DNAH11: variants seen among roughly 807,000 people sequenced by gnomAD.
DNAH11 encodes the protein dynein axonemal heavy chain 11, also known as axonemal beta dynein heavy chain 11.
DNAH11 carries 442 observed loss-of-function variants against 526.0 expected under a neutral mutation model. The ratio of observed to expected loss-of-function variants is 0.84; its 90% confidence interval spans 0.78 to 0.91. The LOEUF (loss-of-function observed/expected upper bound fraction) is 0.91, where lower values mean the gene tolerates loss of function less well. DNAH11 is among the 40% of genes least tolerant of loss of function. The pLI, the probability that DNAH11 is intolerant of heterozygous loss-of-function variation, is 0.00. For synonymous variants in DNAH11, 2,461 were observed against 1,935.9 expected (o/e 1.27, Z -7.12); for missense variants, 6,989 against 5,448.7 (o/e 1.28, Z -8.90).
chr7:21,863,750 A>T (rs1291494511), intron 69 of DNAH11, among the ~76,000 whole-genome samples: 1 of 152,252 alleles, frequency 6.6e-6, no homozygotes, highest in Non-Finnish European at 1.5e-5. Context: ...TATAAATCAA[A>T]GTTTCATAAC....
chr7:21,792,253 G>C (rs1013341328), intron 61 of DNAH11, among the ~76,000 whole-genome samples: 8 of 152,128 alleles, frequency 5.3e-5, no homozygotes, highest in African/African-American at 1.7e-4. Context: ...TTGTATCCCT[G>C]GGTTGAATCC....
rs10555456 is a variant in DNAH11 at position 21,900,939 on chromosome 7, AACTT to A, written c.13304-63_13304-60del. The A allele has an allele frequency of 0.94, 1,413,231 of 1,502,682 alleles. 671,147 individuals carry two copies. The highest frequency in any genetic ancestry group is 0.98 in the Non-Finnish European group (1,101,368 of 1,126,748). The allele number at this position is 1,502,682 out of a possible 1,614,324, so 93.1% of individuals were successfully genotyped here. ...ATGTTGAATGTTTATTGCATCAAAC[AACTT>A]ACTTGATCATTATCATTAGTAGCAA... On this transcript the variant is annotated intron_variant, in intron 81 of 81. Coordinates refer to ENST00000409508, the MANE Select transcript of DNAH11 (RefSeq NM_001277115.2).
rs76467144 is a variant in DNAH11, at chr7:21,633,563, C to T, written c.4501-2308C>T. Reference sequence around the variant, plus strand: ...TGTGATTTTTTACTTTTTCCTAGTTCTAATACTCAACATATGTTTATTTAT... The same window carrying T: ...TGTGATTTTTTACTTTTTCCTAGTTTTAATACTCAACATATGTTTATTTAT... On this transcript the variant is annotated intron_variant, in intron 25 of 81. Transcript: ENST00000409508. Among the ~76,000 whole-genome samples the T allele has an allele frequency of 2.4e-3, 371 of 152,194 alleles. 1 individual carries two copies. Among genetic ancestry groups the T allele is most frequent in the South Asian group, 3.7e-3 (18 of 4,812 alleles).
rs200821339 is a variant in DNAH11 at position 21,880,834 on chromosome 7, C to T, written c.12328C>T (p.Pro4110Ser). The T allele has an allele frequency of 6.2e-7, 1 of 1,613,898 alleles. No homozygotes were observed. The highest frequency in any genetic ancestry group is 1.1e-5 in the South Asian group (1 of 91,042). Residue 4110 changes from proline (P) to serine (S), a missense_variant, in exon 75 of 82, where the codon CCT (proline) becomes TCT (serine). Coordinates refer to ENST00000409508, the MANE Select transcript of DNAH11 (RefSeq NM_001277115.2). The stretch of plus-strand genomic sequence containing the variant: ...CTGGAGCCGAAGCTATCCTTTTAAT[C>T]CTGGAGACCTCACCATTTGTGCCAG... ...QGWSRSYPFN[P>S]GDLTICASVL...
Position 21,749,564 on chromosome 7 carries a change from C to T in DNAH11, c.8674-114C>T, listed in dbSNP as rs1022271827. On this transcript the variant is annotated intron_variant, in intron 52 of 81. Coordinates refer to ENST00000409508, the MANE Select transcript of DNAH11 (RefSeq NM_001277115.2). ...AAGGAATATGTAAACCAGGGAAAGG[C>T]ACCCCACAGTGCTATGGCGATACAG... The T allele has an allele frequency of 7.1e-5, 97 of 1,371,436 alleles. 1 individual carries two copies. In the African/African-American group the frequency reaches 1.3e-3, roughly 19 times the overall value. The allele number at this position is 1,371,436 out of a possible 1,614,324, so 85.0% of individuals were successfully genotyped here.
Position 21,620,008 on chromosome 7 carries a change from T to C in DNAH11, c.4430T>C (p.Val1477Ala), listed in dbSNP as rs72657320. 3,002 of 1,609,772 alleles carry C rather than the reference T, an allele frequency of 1.9e-3. 64 individuals are homozygous for C. The Admixed American group carries it at 0.041, about 22-fold the overall frequency. Residue 1477 changes from valine (V) to alanine (A), a missense_variant, in exon 25 of 82, where the codon GTT becomes GCT. Transcript: ENST00000409508. Reference sequence around the variant, plus strand: ...GCAACCATGAAGTTTTCTTACGAAGTTCACTATCGAACAGGCATTCCATTA... The same window carrying C: ...GCAACCATGAAGTTTTCTTACGAAGCTCACTATCGAACAGGCATTCCATTA... ...TWATMKFSYEVHYRTGIPLLK... is the reference protein window; with the variant it reads ...TWATMKFSYEAHYRTGIPLLK...
intron 25 of DNAH11, among the ~76,000 whole-genome samples, chr7:21,629,336 T>G (rs763367367): frequency 6.6e-6 from 1 of 152,156 alleles, no homozygotes; most frequent in Non-Finnish European, 1.5e-5. Context: ...TATGATCTAT[T>G]CTGGAGAATC....
In DNAH11 at chr7:21,700,996, A is replaced by G. The variant is rs143308881; in HGVS notation, c.6181-1714A>G. 2.1e-3 allele frequency among the ~76,000 whole-genome samples: 319 copies of G among 152,264 alleles called. 2 individuals carry two copies. Among genetic ancestry groups the G allele is most frequent in the African/African-American group, 7.4e-3 (309 of 41,552 alleles). ...TAGGGGAGGGATAGCATTAGAAGAA[A>G]TACCTAATGTAGATAACAGGTTGAT... On this transcript the variant is annotated intron_variant, in intron 36 of 81. Transcript: ENST00000409508.
At chr7:21,647,037 T>C (rs1262705276) in intron 28 of DNAH11, among the ~76,000 whole-genome samples, 2 of 152,106 alleles carry the variant, frequency 1.3e-5, no homozygotes, top group Non-Finnish European at 2.9e-5. Context: ...CAATAAGATA[T>C]TAAAAGTAAT....
intron 39 of DNAH11, among the ~76,000 whole-genome samples, chr7:21,706,033 G>A (rs1784249916): frequency 2.0e-5 from 3 of 152,076 alleles, no homozygotes; most frequent in South Asian, 4.2e-4. Flanking sequence ...AAAACAAACC[G>A]AAATATTTTC....
intron 14 of DNAH11, among the ~76,000 whole-genome samples, chr7:21,594,063 T>TACACACACACACACACACACAC (rs59727118): frequency 2.2e-5 from 3 of 137,522 alleles, no homozygotes; most frequent in South Asian, 2.6e-4. Context: ...CATACACACA[T>TACACACACACACACACACACAC]ACACACACAC....
chr7:21,656,076 C>A, intron 29 of DNAH11, 95 bp downstream of exon 29: 1 of 1,368,722 alleles, frequency 7.3e-7, no homozygotes, highest in East Asian at 2.5e-5. Flanking sequence ...CAACCCAGGT[C>A]AAATCAGGCT....
At chr7:21,801,342 T>C in intron 62 of DNAH11, 67 bp downstream of exon 62, 1 of 1,573,924 alleles carries the variant, frequency 6.4e-7, no homozygotes, top group South Asian at 1.2e-5. Context: ...TTTTATTATT[T>C]GCCATCAATA....
chr7:21,896,242 T>G (rs1210933265), intron 79 of DNAH11, among the ~76,000 whole-genome samples: 1 of 152,234 alleles, frequency 6.6e-6, no homozygotes, highest in African/African-American at 2.4e-5. Flanking sequence ...GGGCTTTTCT[T>G]TTTTTATCAG....
In DNAH11 at chr7:21,599,990, T is replaced by C; in HGVS notation, c.2871T>C (p.Phe957=). Residue 957 remains phenylalanine, a synonymous_variant, in exon 15 of 82, where the codon TTT becomes TTC. Transcript: ENST00000409508. ...TCTTGTTGCCTCCTGAGATTGTGTTTAAACCTTCCCTAGACAGAGAGGCTG... is the reference window on the plus strand; with the variant it reads ...TCTTGTTGCCTCCTGAGATTGTGTTCAAACCTTCCCTAGACAGAGAGGCTG... ...QMILLPPEIV[F]KPSLDREAGD... 6.2e-7 allele frequency: 1 copy of C among 1,613,864 alleles called. No individual in the cohort carries two copies. Among genetic ancestry groups the C allele is most frequent in the Non-Finnish European group, 8.5e-7 (1 of 1,179,836 alleles).
At chr7:21,812,332 G>A (rs1217599031) in intron 63 of DNAH11, among the ~76,000 whole-genome samples, 1 of 151,980 alleles carries the variant, frequency 6.6e-6, no homozygotes, top group African/African-American at 2.4e-5. Flanking sequence ...GGAAGAAAGA[G>A]GAATAGCAAC....
chr7:21,856,875 T>C (rs1782870851), intron 68 of DNAH11, among the ~76,000 whole-genome samples: 1 of 152,122 alleles, frequency 6.6e-6, no homozygotes, highest in Non-Finnish European at 1.5e-5. Context: ...ACACCAACAT[T>C]ATACTTAATG....
chr7:21,865,382 A>G (rs562129158), intron 70 of DNAH11, among the ~76,000 whole-genome samples: 2 of 152,338 alleles, frequency 1.3e-5, no homozygotes, highest in Admixed American at 6.5e-5. Flanking sequence ...TCAAATTCAA[A>G]TGTGTATCAG....
rs200972634 is a variant in DNAH11, at chr7:21,816,669, T to A, written c.10535T>A (p.Met3512Lys). 1 of 1,613,570 alleles carries A rather than the reference T, an allele frequency of 6.2e-7. No homozygotes were observed. Among genetic ancestry groups the A allele is most frequent in the African/African-American group, 1.3e-5 (1 of 74,908 alleles). Residue 3512 changes from methionine to lysine, a missense_variant, in exon 64 of 82, where the codon ATG becomes AAG. Met to Lys is a moderately conservative substitution (Grantham distance 95). Coordinates refer to ENST00000409508, the MANE Select transcript of DNAH11 (RefSeq NM_001277115.2). Reference sequence around the variant, plus strand: ...AAGTGGATCAAGAATAAGTATGGAATGGACCTGAAAGTCACACATTTGGGC... The same window carrying A: ...AAGTGGATCAAGAATAAGTATGGAAAGGACCTGAAAGTCACACATTTGGGC... ...GIKWIKNKYG[M>K]DLKVTHLGQK...
Sources: allele counts gnomAD v4.1 joint callset (sites outside exome capture counted in the v4.1 genomes callset), GRCh38; gene constraint gnomAD v4.1.1; transcripts MANE v1.5; gene names NCBI Gene and HGNC (gene_info 2026-07-23, HGNC 2026-07-21).